Variants in TBC1D22B observed in about 807,000 individuals in gnomAD.
TBC1D22B encodes the protein chromosome 6 open reading frame 197.
A neutral mutation model predicts 69.1 loss-of-function variants in TBC1D22B; 32 were observed. The ratio of observed to expected loss-of-function variants is 0.46; its 90% confidence interval spans 0.35 to 0.62. The LOEUF (loss-of-function observed/expected upper bound fraction) is 0.62. Among genes scored for constraint, TBC1D22B ranks in the 20% least tolerant of loss-of-function variants. The pLI, the probability that TBC1D22B is intolerant of heterozygous loss-of-function variation, is 0.00. For missense variants in TBC1D22B, 462 were observed against 630.9 expected (o/e 0.73, Z 2.87); for synonymous variants, 206 against 229.8 (o/e 0.90, Z 0.94).
intron 7 of TBC1D22B, among the ~76,000 whole-genome samples, chr6:37,289,554 C>G (rs1446781479): frequency 6.6e-6 from 1 of 152,162 alleles, no homozygotes; most frequent in Non-Finnish European, 1.5e-5. Context: ...CAGCTAGCTT[C>G]CATGTACTTG....
chr6:37,261,841 C>T (rs1163790181), intron 1 of TBC1D22B, among the ~76,000 whole-genome samples: 2 of 151,648 alleles, frequency 1.3e-5, no homozygotes, highest in Non-Finnish European at 2.9e-5. Flanking sequence ...TCGAGACCAG[C>T]CTGGCCAACA....
intron 2 of TBC1D22B, among the ~76,000 whole-genome samples, chr6:37,276,784 A>G (rs967123474): frequency 6.6e-6 from 1 of 152,118 alleles, no homozygotes; most frequent in Admixed American, 6.6e-5. Flanking sequence ...CCAGCTACTC[A>G]GGAGGCTGAG....
chr6:37,326,629 TAAA>T (rs766713833), intron 12 of TBC1D22B, among the ~76,000 whole-genome samples: 1 of 151,530 alleles, frequency 6.6e-6, no homozygotes, highest in Non-Finnish European at 1.5e-5. Context: ...CTACTAAAAA[TAAA>T]AAACAATTAA....
intron 1 of TBC1D22B, chr6:37,258,262 T>G: frequency 4.7e-6 from 2 of 428,480 alleles, no homozygotes; most frequent in East Asian, 4.6e-5. Flanking sequence ...GTTGGGTGAA[T>G]AGTCAGTGTC....
At chr6:37,265,361 ACT>A (rs1412841666) in intron 1 of TBC1D22B, among the ~76,000 whole-genome samples, 1 of 151,848 alleles carries the variant, frequency 6.6e-6, no homozygotes, top group Non-Finnish European at 1.5e-5. Flanking sequence ...TTAAGGTAAT[ACT>A]CTCTTATTTT....
At chr6:37,324,872 A>G (rs982405540) in intron 12 of TBC1D22B, among the ~76,000 whole-genome samples, 13 of 152,302 alleles carry the variant, frequency 8.5e-5, no homozygotes, top group East Asian at 3.9e-4. Flanking sequence ...CTGTGCCTCA[A>G]TTTCCTCATC....
intron 1 of TBC1D22B, among the ~76,000 whole-genome samples, chr6:37,260,958 GT>G (rs1766072899): frequency 6.6e-6 from 1 of 152,248 alleles, no homozygotes; most frequent in South Asian, 2.1e-4. Context: ...TTATGCAGAG[GT>G]TTTTGTTTGG....
chr6:37,272,650 C>T (rs368037984), intron 2 of TBC1D22B, among the ~76,000 whole-genome samples: 3 of 152,106 alleles, frequency 2.0e-5, no homozygotes, highest in East Asian at 3.9e-4. Context: ...GGCCTCCCAA[C>T]GTGCTGGGAT....
chr6:37,278,102 A>G (rs1321213365), intron 2 of TBC1D22B, among the ~76,000 whole-genome samples: 1 of 152,154 alleles, frequency 6.6e-6, no homozygotes, highest in Non-Finnish European at 1.5e-5. Flanking sequence ...CCATCACTCC[A>G]CCCTGGGTGA....
chr6:37,299,517 AT>A (rs1249996488), intron 8 of TBC1D22B, among the ~76,000 whole-genome samples: 3 of 152,226 alleles, frequency 2.0e-5, no homozygotes, highest in African/African-American at 7.2e-5. Flanking sequence ...TTCAACAAGT[AT>A]TTATTAAGCT....
chr6:37,329,123 G>A (rs536564739), intron 12 of TBC1D22B, among the ~76,000 whole-genome samples: 1 of 152,122 alleles, frequency 6.6e-6, no homozygotes, highest in Non-Finnish European at 1.5e-5. Flanking sequence ...AAAGTGAAAG[G>A]CTTCCCTCCC....
intron 12 of TBC1D22B, among the ~76,000 whole-genome samples, chr6:37,330,500 G>T (rs1315348992): frequency 6.6e-6 from 1 of 152,084 alleles, no homozygotes; most frequent in Non-Finnish European, 1.5e-5. Context: ...GCCTCCCAAA[G>T]TGTGGGATTA....
At chr6:37,268,449 G>A (rs1422782814) in intron 1 of TBC1D22B, among the ~76,000 whole-genome samples, 1 of 152,004 alleles carries the variant, frequency 6.6e-6, no homozygotes, top group African/African-American at 2.4e-5. Context: ...GGCTGGTTTC[G>A]AACTCCTAGG....
intron 7 of TBC1D22B, among the ~76,000 whole-genome samples, chr6:37,287,685 C>G (rs1158026346): frequency 6.6e-6 from 1 of 152,144 alleles, no homozygotes; most frequent in Non-Finnish European, 1.5e-5. Flanking sequence ...AAGGTTCATC[C>G]CTGTTGTTGC....
intron 8 of TBC1D22B, among the ~76,000 whole-genome samples, chr6:37,298,594 G>A (rs541916473): frequency 3.3e-4 from 45 of 137,160 alleles, no homozygotes; most frequent in African/African-American, 1.1e-3. Context: ...TGCCCAAGCC[G>A]GAGTGCAGTG....
chr6:37,277,460 GTTC>G (rs1766702065), intron 2 of TBC1D22B, among the ~76,000 whole-genome samples: 1 of 147,428 alleles, frequency 6.8e-6, no homozygotes, highest in African/African-American at 2.5e-5. Flanking sequence ...GTCTCCTATA[GTTC>G]TTTTTTTTTT....
At chr6:37,310,014 A>T (rs897654348) in intron 8 of TBC1D22B, among the ~76,000 whole-genome samples, 1 of 147,276 alleles carries the variant, frequency 6.8e-6, no homozygotes, top group Admixed American at 6.8e-5. Flanking sequence ...ATATATAAAT[A>T]TATATTATAA....
intron 8 of TBC1D22B, among the ~76,000 whole-genome samples, chr6:37,299,214 T>C (rs1767488998): frequency 6.6e-6 from 1 of 152,252 alleles, no homozygotes. Flanking sequence ...CATTTTCTTT[T>C]GTGGTCTGCT....
chr6:37,261,412 A>G (rs747933511), intron 1 of TBC1D22B, among the ~76,000 whole-genome samples: 18 of 149,754 alleles, frequency 1.2e-4, no homozygotes, highest in Non-Finnish European at 1.8e-4. Flanking sequence ...AGCCTGGGCA[A>G]CAGAGCAAGA....
Sources: allele counts gnomAD v4.1 joint callset (sites outside exome capture counted in the v4.1 genomes callset), GRCh38; gene constraint gnomAD v4.1.1; transcripts MANE v1.5; gene names NCBI Gene and HGNC (gene_info 2026-07-23, HGNC 2026-07-21).